The following TMEM61 variants were observed in gnomAD, a reference collection of about 807,000 sequenced individuals.
TMEM61 encodes transmembrane protein 61.
Under a neutral mutation model 12.0 loss-of-function variants are expected in TMEM61, and 13 were observed. The ratio of observed to expected loss-of-function variants is 1.08; its 90% CI spans 0.70 to 1.72. The LOEUF (loss-of-function observed/expected upper bound fraction) is 1.72. Among genes scored for constraint, TMEM61 ranks in the 40% most tolerant of loss-of-function variants. TMEM61 has a pLI of 0.00. For synonymous variants in TMEM61, 109 were observed against 121.4 expected, an observed-to-expected ratio of 0.90 and a Z score of 0.67; for missense variants, 249 against 276.9, an observed-to-expected ratio of 0.90 and a Z score of 0.71.
intron 2 of TMEM61, among the ~76,000 whole-genome samples, chr1:54,988,671 C>T (rs1453190836): frequency 6.6e-6 from 1 of 152,226 alleles, no homozygotes; most frequent in African/African-American, 2.4e-5. Context: ...GTCCCTTCCC[C>T]TCTTGGCCTC....
intron 1 of TMEM61, 21 bp downstream of exon 1, chr1:54,981,101 C>T: frequency 1.3e-6 from 2 of 1,583,758 alleles, no homozygotes; most frequent in Non-Finnish European, 1.7e-6. Flanking sequence ...ACGGCCTTCT[C>T]CCTCCTTTAC....
chr1:54,982,373 G>T (rs1262588118), intron 1 of TMEM61, among the ~76,000 whole-genome samples: 1 of 152,140 alleles, frequency 6.6e-6, no homozygotes, highest in Non-Finnish European at 1.5e-5. Context: ...GAGTTTGGGT[G>T]AGAACAGCCT....
intron 2 of TMEM61, 46 bp from the exon 3 acceptor site, chr1:54,991,790 G>A (rs754782335): frequency 8.8e-6 from 14 of 1,588,794 alleles, no homozygotes; most frequent in Admixed American, 5.2e-5. Flanking sequence ...GCAGGCAGCA[G>A]GGTCTGCCCC....
rs933289574 is a variant in TMEM61, at chr1:54,989,511, C to A, written c.366-2325C>A. ...GTGAGCCCTAGCCTCCATGGCACTT[C>A]CTGTGCGGGGAGACCACTGTGGCAG... On this transcript the variant is annotated intron_variant, in intron 2 of 2. Coordinates refer to ENST00000371268, the MANE Select transcript of TMEM61 (RefSeq NM_182532.3). 1.3e-5 allele frequency among the ~76,000 whole-genome samples: 2 copies of A among 152,264 alleles called. 1 individual carries two copies. Among genetic ancestry groups the A allele is most frequent in the Admixed American group, 1.3e-4 (2 of 15,290 alleles).
Position 54,992,198 on chromosome 1 carries a change from G to A in TMEM61, c.*95G>A, listed in dbSNP as rs945443220. 3.9e-5 allele frequency: 57 copies of A among 1,450,220 alleles called. No individual in the cohort carries two copies. In the Middle Eastern group the frequency reaches 9.7e-4, roughly 25 times the overall value. 89.8% of individuals were successfully genotyped at this position (1,450,220 alleles called of 1,614,324 possible). On this transcript the variant is annotated 3_prime_UTR_variant, in exon 3 of 3. Coordinates refer to ENST00000371268, the MANE Select transcript of TMEM61 (RefSeq NM_182532.3). ...GGGACACAGTAGGCACTCAGCAAACGTTCGTTGTTGAAGGCTGTTCTATTT... is the reference window on the plus strand; with the variant it reads ...GGGACACAGTAGGCACTCAGCAAACATTCGTTGTTGAAGGCTGTTCTATTT...
Position 54,992,006 on chromosome 1 carries a change from G to A in TMEM61, c.536G>A (p.Ser179Asn), listed in dbSNP as rs376907639. The change falls in exon 3 of 3, where the codon AGC becomes AAC. Residue 179 changes from serine (S) to asparagine (N), a missense_variant. Coordinates refer to ENST00000371268, the MANE Select transcript of TMEM61 (RefSeq NM_182532.3). ...QPAWPPPSYESISLALDAVSA... is the reference protein window; with the variant it reads ...QPAWPPPSYENISLALDAVSA... ...GCCTGGCCTCCACCCAGCTATGAGA[G>A]CATCAGCCTTGCTCTTGATGCCGTT... The A allele has an allele frequency of 2.5e-6, 4 of 1,614,004 alleles. No homozygotes were observed. The African/African-American group carries it at 4.0e-5, about 16-fold the overall frequency.
rs191901382 is a variant in TMEM61, at chr1:54,986,957, A to G, written c.365+511A>G. Among the ~76,000 whole-genome samples the G allele has an allele frequency of 3.9e-5, 6 of 152,358 alleles. No individual in the cohort carries two copies. The East Asian group carries it at 9.6e-4, about 24-fold the overall frequency. On this transcript the variant is annotated intron_variant, in intron 2 of 2. Coordinates refer to ENST00000371268, the MANE Select transcript of TMEM61 (RefSeq NM_182532.3). ...CCCCTCTACAGTACAGCCCTGTGCC[A>G]GGCACTGTTCAAAGTGCTCTTCCAT...
intron 1 of TMEM61, among the ~76,000 whole-genome samples, chr1:54,981,839 G>A (rs1244133460): frequency 1.3e-5 from 2 of 152,218 alleles, no homozygotes; most frequent in Non-Finnish European, 2.9e-5. Context: ...CCTGCCACCA[G>A]TGAGCAGATA....
Position 54,991,873 on chromosome 1 carries a change from G to A in TMEM61, c.403G>A (p.Ala135Thr). ...GGTTGACATCCCCACTTACGAGGAA[G>A]CCGTGAGCTTCCCAGTGGCCGAGGG... ...KVVDIPTYEE[A>T]VSFPVAEGPP... Residue 135 changes from alanine to threonine, a missense_variant, in exon 3 of 3, where the codon GCC becomes ACC. Ala to Thr is a moderately conservative substitution (Grantham distance 58). Transcript: ENST00000371268. The A allele has an allele frequency of 6.2e-7, 1 of 1,614,110 alleles. No individual in the cohort carries two copies. Among genetic ancestry groups the A allele is most frequent in the Non-Finnish European group, 8.5e-7 (1 of 1,180,004 alleles).
intron 1 of TMEM61, among the ~76,000 whole-genome samples, chr1:54,981,297 C>T (rs114337524): frequency 0.022 from 3,289 of 152,270 alleles, 127 homozygotes; most frequent in African/African-American, 0.076. Context: ...CGGACAGTTT[C>T]GTCTTTACAG....
At chr1:54,988,786 A>C (rs1164627544) in intron 2 of TMEM61, among the ~76,000 whole-genome samples, 1 of 152,238 alleles carries the variant, frequency 6.6e-6, no homozygotes, top group African/African-American at 2.4e-5. Flanking sequence ...ACGGTGCCAC[A>C]GTGGGCAAAA....
chr1:54,991,738 G>A lies in TMEM61; in HGVS notation c.366-98G>A, dbSNP rs539683043. The A allele has an allele frequency of 3.6e-6, 5 of 1,403,542 alleles. No homozygotes were observed. The Admixed American group carries it at 6.0e-5, about 17-fold the overall frequency. 86.9% of individuals were successfully genotyped at this position (1,403,542 alleles called of 1,614,324 possible). On this transcript the variant is annotated intron_variant, in intron 2 of 2. Coordinates refer to ENST00000371268, the MANE Select transcript of TMEM61 (RefSeq NM_182532.3). The stretch of plus-strand genomic sequence containing the variant: ...GAGCCACAAAGGCTTGGAGCAGGGT[G>A]TGAAGACTTCTCTGCCCCCAGCCTT...
At chr1:54,991,700 A>G (rs1644299350) in intron 2 of TMEM61, 136 bp from the exon 3 acceptor site, 3 of 1,071,740 alleles carry the variant, frequency 2.8e-6, no homozygotes, top group East Asian at 2.4e-5. Context: ...AACTGCGTAT[A>G]TGTGACCCTG....
intron 2 of TMEM61, among the ~76,000 whole-genome samples, chr1:54,986,791 C>T (rs901851957): frequency 1.3e-5 from 2 of 151,800 alleles, no homozygotes; most frequent in African/African-American, 4.9e-5. Flanking sequence ...AGCCTAGGCG[C>T]AAGAGTCAGA....
rs533395763 is a variant in TMEM61, at chr1:54,991,509, T to G, written c.366-327T>G. Among the ~76,000 whole-genome samples, 3 of 152,132 alleles carry G rather than the reference T, an allele frequency of 2.0e-5. No homozygotes were observed. The East Asian group carries it at 5.8e-4, about 29-fold the overall frequency. ...TCAATCTTTCAACATGAAACACCCA[T>G]AAGCAGCTACCCTCAGCCCCTGGAC... On this transcript the variant is annotated intron_variant, in intron 2 of 2. Transcript: ENST00000371268.
At position 54,981,094 on chromosome 1, in the gene TMEM61, G is replaced by T. The variant is rs1415888221; in HGVS notation, c.15+14G>T. 16 of 1,586,920 alleles carry T rather than the reference G, an allele frequency of 1.0e-5. No homozygotes were observed. The highest frequency in any genetic ancestry group is 1.8e-5 in the Admixed American group (1 of 56,864). ...GCCCTGCCCCAGGTGGGTGGAAACG[G>T]CCTTCTCCCTCCTTTACGGGCACTC... On this transcript the variant is annotated intron_variant, in intron 1 of 2. Coordinates refer to ENST00000371268, the MANE Select transcript of TMEM61 (RefSeq NM_182532.3).
chr1:54,987,657 C>T (rs1644269784), intron 2 of TMEM61, among the ~76,000 whole-genome samples: 1 of 152,280 alleles, frequency 6.6e-6, no homozygotes, highest in African/African-American at 2.4e-5. Context: ...TGTACATCAC[C>T]TCCTGTCTTT....
At chr1:54,982,626 C>T (rs1007337292) in intron 1 of TMEM61, among the ~76,000 whole-genome samples, 3 of 152,116 alleles carry the variant, frequency 2.0e-5, no homozygotes, top group Admixed American at 6.5e-5. Context: ...GTCTGAGGCC[C>T]GGGAGGAGTT....
chr1:54,992,279 T>C lies in TMEM61; in HGVS notation c.*176T>C. ...ATTTAGTGGCTTAAAATAAATCCCA[T>C]TTTATTATGTCTCACGACTCTATGA... On this transcript the variant is annotated 3_prime_UTR_variant, in exon 3 of 3. Coordinates refer to ENST00000371268, the MANE Select transcript of TMEM61 (RefSeq NM_182532.3). The C allele has an allele frequency of 3.9e-6, 3 of 767,878 alleles. No homozygotes were observed. Among genetic ancestry groups the C allele is most frequent in the Non-Finnish European group, 6.1e-6 (3 of 490,282 alleles). 47.6% of individuals were successfully genotyped at this position (767,878 alleles called of 1,614,324 possible).
Sources: allele counts gnomAD v4.1 joint callset (sites outside exome capture counted in the v4.1 genomes callset), GRCh38; gene constraint gnomAD v4.1.1; transcripts MANE v1.5; gene names NCBI Gene and HGNC (gene_info 2026-07-23, HGNC 2026-07-21).